The following TGFA variants were observed in gnomAD, a reference collection of about 807,000 sequenced individuals.
TGFA encodes protransforming growth factor alpha.
A neutral mutation model predicts 21.7 loss-of-function variants in TGFA; 12 were observed. The observed-to-expected ratio is 0.55, with a 90% CI of 0.35 to 0.90. TGFA has a LOEUF of 0.90. Ranked by LOEUF, TGFA falls within the 40% of genes least tolerant of loss-of-function variation. The probability of loss-of-function intolerance (pLI) is 0.01; values close to 1 mark genes in which losing one functional copy is unlikely to be tolerated. For missense variants in TGFA, 178 were observed against 210.8 expected (o/e 0.84, Z 0.96); for synonymous variants, 79 against 88.1 (o/e 0.90, Z 0.58).
intron 1 of TGFA, among the ~76,000 whole-genome samples, chr2:70,522,379 C>G (rs1672499892): frequency 6.6e-6 from 1 of 152,172 alleles, no homozygotes; most frequent in African/African-American, 2.4e-5. Context: ...TTGGTTCTTA[C>G]TCTAATTTCA....
At chr2:70,539,978 G>A (rs1673090310) in intron 1 of TGFA, among the ~76,000 whole-genome samples, 1 of 152,140 alleles carries the variant, frequency 6.6e-6, no homozygotes, top group Non-Finnish European at 1.5e-5. Context: ...ACCAGAATGT[G>A]GAGGATTGCA....
intron 2 of TGFA, among the ~76,000 whole-genome samples, chr2:70,467,157 A>T (rs1670591800): frequency 6.6e-6 from 1 of 152,188 alleles, no homozygotes; most frequent in Non-Finnish European, 1.5e-5. Flanking sequence ...TACCTATGTA[A>T]CGAACCTGCA....
chr2:70,459,969 TAGCCCCAAGC>T (rs1407641742), intron 3 of TGFA, among the ~76,000 whole-genome samples: 1 of 152,172 alleles, frequency 6.6e-6, no homozygotes, highest in African/African-American at 2.4e-5. Flanking sequence ...CAGTGCGTCT[TAGCCCCAAGC>T]AGCCCAGTGG....
chr2:70,538,933 G>C (rs1246216419), intron 1 of TGFA, among the ~76,000 whole-genome samples: 1 of 152,148 alleles, frequency 6.6e-6, no homozygotes, highest in East Asian at 1.9e-4. Flanking sequence ...AATTAGCATG[G>C]CAAATTTCAT....
rs141582665 is a variant in TGFA, at chr2:70,456,386, G to A, written c.318C>T (p.Val106=). The A allele has an allele frequency of 7.0e-6, 11 of 1,579,134 alleles. No individual in the cohort carries two copies. The highest frequency in any genetic ancestry group is 7.7e-6 in the Non-Finnish European group (9 of 1,162,346). The change falls in exon 4 of 6, where the codon GTC becomes GTT. Residue 106 remains valine, a synonymous_variant. Coordinates refer to ENST00000295400, the MANE Select transcript of TGFA (RefSeq NM_003236.4). ...TAAGGACAGCCAGGGCCACGATGGA[G>A]ACCACCACCAAGGCGGTGATGGCCT... ...KKQAITALVV[V]SIVALAVLII...
At position 70,453,197 on chromosome 2, in the gene TGFA, AC is replaced by A. The variant is rs782043633; in HGVS notation, c.475+20del. 38 of 1,605,474 alleles carry A rather than the reference AC, an allele frequency of 2.4e-5. No homozygotes were observed. In the South Asian group the frequency reaches 3.7e-4, roughly 16 times the overall value. On this transcript the variant is annotated intron_variant, in intron 5 of 5. Transcript: ENST00000295400. The stretch of plus-strand genomic sequence containing the variant: ...TTTTCTCCACCCAATAGTGTCTCCC[AC>A]CAGAGAAGAGTCTCCTTACCTGTTT...
chr2:70,478,634 C>G (rs1406001945), intron 2 of TGFA, among the ~76,000 whole-genome samples: 1 of 152,166 alleles, frequency 6.6e-6, no homozygotes, highest in Non-Finnish European at 1.5e-5. Context: ...TATAACAGCC[C>G]CCACAAGGGA....
chr2:70,540,905 A>G (rs1244796804), intron 1 of TGFA, among the ~76,000 whole-genome samples: 2 of 152,230 alleles, frequency 1.3e-5, no homozygotes, highest in African/African-American at 4.8e-5. Context: ...GCAGCATTCA[A>G]TCTTACTGAA....
At chr2:70,536,437 C>A (rs563599292) in intron 1 of TGFA, among the ~76,000 whole-genome samples, 178 of 152,264 alleles carry the variant, frequency 1.2e-3, no homozygotes, top group African/African-American at 4.2e-3. Flanking sequence ...CCAAGAGAGA[C>A]CACGTTCTGG....
chr2:70,528,647 TTG>T (rs1417960869), intron 1 of TGFA, among the ~76,000 whole-genome samples: 3 of 152,216 alleles, frequency 2.0e-5, no homozygotes, highest in Non-Finnish European at 4.4e-5. Context: ...CTGGCCTTGC[TTG>T]TGTGGTTTCC....
chr2:70,543,294 G>C (rs915293383), intron 1 of TGFA, among the ~76,000 whole-genome samples: 4 of 152,022 alleles, frequency 2.6e-5, no homozygotes, highest in African/African-American at 7.2e-5. Context: ...TTGGGAGGCT[G>C]AGGCAGGTGG....
chr2:70,538,355 A>C (rs1213822631), intron 1 of TGFA, among the ~76,000 whole-genome samples: 10 of 152,310 alleles, frequency 6.6e-5, no homozygotes, highest in African/African-American at 2.2e-4. Context: ...TAAGACCTAC[A>C]TTTTATAATG....
chr2:70,493,492 G>A (rs550578221), intron 2 of TGFA, among the ~76,000 whole-genome samples: 5 of 152,244 alleles, frequency 3.3e-5, no homozygotes, highest in African/African-American at 9.6e-5. Flanking sequence ...CTCCACCCCC[G>A]ATTTGTTTTG....
At chr2:70,478,536 T>C (rs1671007043) in intron 2 of TGFA, among the ~76,000 whole-genome samples, 1 of 152,026 alleles carries the variant, frequency 6.6e-6, no homozygotes, top group Admixed American at 6.5e-5. Context: ...GCCCAGAATA[T>C]CTTGATCATA....
chr2:70,514,864 A>T lies in TGFA; in HGVS notation c.89T>A (p.Leu30Gln). The T allele has an allele frequency of 6.2e-7, 1 of 1,613,954 alleles. No individual in the cohort carries two copies. The highest frequency in any genetic ancestry group is 8.5e-7 in the Non-Finnish European group (1 of 1,179,976). ...CQALENSTSP[L>Q]SADPPVAAAV... ...CCCACGGCAGCTGCACTCACCACTC[A>T]GCGGGGACGTGCTGTTCTCCAAGGC... The change falls in exon 2 of 6, where the codon CTG (leucine) becomes CAG (glutamine). Residue 30 changes from leucine (L) to glutamine (Q), a missense_variant. Leu to Gln is a moderately radical substitution (Grantham distance 113). Transcript: ENST00000295400.
At chr2:70,474,341 A>G (rs1036982656) in intron 2 of TGFA, among the ~76,000 whole-genome samples, 1 of 152,262 alleles carries the variant, frequency 6.6e-6, no homozygotes, top group Admixed American at 6.5e-5. Flanking sequence ...CTGAAGAGCT[A>G]TAGAAAATTA....
chr2:70,505,445 T>G (rs1415553622), intron 2 of TGFA, among the ~76,000 whole-genome samples: 4 of 152,146 alleles, frequency 2.6e-5, no homozygotes, highest in Admixed American at 1.3e-4. Flanking sequence ...TGTGGACTGT[T>G]AGGTGATTAA....
chr2:70,521,619 T>TG (rs1559133530), intron 1 of TGFA, among the ~76,000 whole-genome samples: 1 of 127,700 alleles, frequency 7.8e-6, no homozygotes, highest in East Asian at 2.2e-4. Flanking sequence ...GTTTGTTTGT[T>TG]TTTTTTTTTT....
intron 2 of TGFA, among the ~76,000 whole-genome samples, chr2:70,489,538 A>G (rs1262391454): frequency 2.6e-5 from 4 of 152,198 alleles, no homozygotes; most frequent in South Asian, 2.1e-4. Flanking sequence ...GGACAAGAAA[A>G]CCATCAGACA....
Sources: allele counts gnomAD v4.1 joint callset (sites outside exome capture counted in the v4.1 genomes callset), GRCh38; gene constraint gnomAD v4.1.1; transcripts MANE v1.5; gene names NCBI Gene and HGNC (gene_info 2026-07-23, HGNC 2026-07-21).